The following KLK3 variants were observed in gnomAD, a reference collection of about 807,000 sequenced individuals.
KLK3 encodes kallikrein related peptidase 3, also known as prostate-specific antigen.
Under a neutral mutation model 27.7 loss-of-function variants are expected in KLK3, and 23 were observed. That is an observed-to-expected ratio of 0.83 (90% CI 0.60 to 1.17). The LOEUF (loss-of-function observed/expected upper bound fraction) is 1.17. Ranked by LOEUF, KLK3 falls within the 50% of genes most tolerant of loss-of-function variation. KLK3 has a pLI of 0.00. For synonymous variants in KLK3, 142 were observed against 134.2 expected (o/e 1.06, Z -0.40); for missense variants, 322 against 338.1 (o/e 0.95, Z 0.37).
In KLK3 at chr19:50,858,626, G is replaced by A. The variant is rs758543152; in HGVS notation, c.630+31G>A. The stretch of plus-strand genomic sequence containing the variant: ...TCATCCCTACTCCCAAGATCTTGAG[G>A]GGAAAGGTGAGTGGGGACCTTAATT... On this transcript the variant is annotated intron_variant, in intron 4 of 4. Transcript: ENST00000326003. 5.0e-6 allele frequency: 8 copies of A among 1,613,318 alleles called. No individual in the cohort carries two copies. The South Asian group carries it at 8.8e-5, about 18-fold the overall frequency.
At chr19:50,859,459 T>C in intron 4 of KLK3, 1 of 1,329,128 alleles carries the variant, frequency 7.5e-7, no homozygotes, top group Non-Finnish European at 1.1e-6. Context: ...ACCTGGGCCC[T>C]TACCCAGCCT....
In KLK3 at chr19:50,856,188, C is replaced by T. The variant is rs527240033; in HGVS notation, c.47-52C>T. ...CTAAATCCATCTCCTATCCGAGTCC[C>T]CCAGTTCCTCCTGTCAACCCTGATT... On this transcript the variant is annotated intron_variant, in intron 1 of 4. Coordinates refer to ENST00000326003, the MANE Select transcript of KLK3 (RefSeq NM_001648.2). 1.4e-4 allele frequency: 222 copies of T among 1,534,300 alleles called. 1 individual carries two copies. The South Asian group carries it at 1.9e-3, about 13-fold the overall frequency.
chr19:50,855,965 C>T (rs1365475288), intron 1 of KLK3: 5 of 365,010 alleles, frequency 1.4e-5, no homozygotes, highest in South Asian at 8.1e-5. Context: ...ATGGTCTGGG[C>T]GCTGTCTTGT....
chr19:50,855,445 C>T (rs2090141140), intron 1 of KLK3: 1 of 162,662 alleles, frequency 6.1e-6, no homozygotes, highest in Non-Finnish European at 1.3e-5. Context: ...AACCCTATCC[C>T]AGAGACCTTG....
chr19:50,859,202 G>C (rs970096649), intron 4 of KLK3, among the ~76,000 whole-genome samples: 3 of 152,116 alleles, frequency 2.0e-5, no homozygotes, highest in Non-Finnish European at 4.4e-5. Flanking sequence ...GATCGGGGCA[G>C]GGTGCGAGAG....
chr19:50,858,336 G>A, intron 3 of KLK3, 21 bp downstream of exon 3: 2 of 1,606,472 alleles, frequency 1.2e-6, no homozygotes, highest in South Asian at 2.2e-5. Context: ...GCCAGATGGT[G>A]CAGCCGGGAG....
chr19:50,860,077 G>A lies in KLK3; in HGVS notation c.736G>A (p.Val246Met), dbSNP rs538660698. ...CGAAAGGCCTTCCCTGTACACCAAG[G>A]TGGTGCATTACCGGAAGTGGATCAA... The part of the protein sequence containing the change: ...LPERPSLYTK[V>M]VHYRKWIKDT... The change falls in exon 5 of 5, where the codon GTG becomes ATG. Residue 246 changes from valine to methionine, a missense_variant. Transcript: ENST00000326003. 6.2e-7 allele frequency: 1 copy of A among 1,614,090 alleles called. No homozygotes were observed. The highest frequency in any genetic ancestry group is 1.1e-5 in the South Asian group (1 of 91,078).
At position 50,860,342 on chromosome 19, in the gene KLK3, G is replaced by C. The variant is rs1429803407; in HGVS notation, c.*215G>C. 2.1e-6 allele frequency: 1 copy of C among 465,414 alleles called. No homozygotes were observed. Among genetic ancestry groups the C allele is most frequent in the African/African-American group, 2.0e-5 (1 of 51,080 alleles). The allele number at this position is 465,414 out of a possible 1,614,324, so 28.8% of individuals were successfully genotyped here. ...TCCTGGGGAATACTGGCCATGCCTG[G>C]AGACATATCACTCAATTTCTCTGAG... On this transcript the variant is annotated 3_prime_UTR_variant, in exon 5 of 5. Transcript: ENST00000326003.
At chr19:50,859,949 T>G in intron 4 of KLK3, 23 bp from the exon 5 acceptor site, 1 of 1,597,754 alleles carries the variant, frequency 6.3e-7, no homozygotes. Flanking sequence ...CCTATCTCAC[T>G]CTCTCCCTGC....
At chr19:50,858,653 T>C (rs1347269352) in intron 4 of KLK3, 58 bp downstream of exon 4, 1 of 1,602,270 alleles carries the variant, frequency 6.2e-7, no homozygotes, top group Admixed American at 1.7e-5. Context: ...ACCTTAATTC[T>C]GGGCTGGGGT....
In KLK3 at chr19:50,858,309, G is replaced by A; in HGVS notation, c.487G>A (p.Glu163Lys). Residue 163 changes from glutamate to lysine, a missense_variant, in exon 3 of 5, where the codon GAG becomes AAG. Glu to Lys is a moderately conservative substitution (Grantham distance 56). Coordinates refer to ENST00000326003, the MANE Select transcript of KLK3 (RefSeq NM_001648.2). ...YASGWGSIEPEEFLTPKKLQC... is the reference protein window; with the variant it reads ...YASGWGSIEPKEFLTPKKLQC... ...CTCAGGCTGGGGCAGCATTGAACCA[G>A]AGGAGTGTACGCCTGGGCCAGATGG... 2 of 1,613,130 alleles carry A rather than the reference G, an allele frequency of 1.2e-6. No homozygotes were observed. The highest frequency in any genetic ancestry group is 1.7e-6 in the Non-Finnish European group (2 of 1,179,450).
At chr19:50,855,150 C>G (rs2123455604) in intron 1 of KLK3, 149 bp downstream of exon 1, 1 of 711,074 alleles carries the variant, frequency 1.4e-6, no homozygotes, top group East Asian at 2.7e-5. Context: ...AAGCCCATAC[C>G]CCCAGCCCCT....
At chr19:50,857,894 G>A in intron 2 of KLK3, 135 bp from the exon 3 acceptor site, 3 of 940,884 alleles carry the variant, frequency 3.2e-6, no homozygotes, top group Non-Finnish European at 4.6e-6. Flanking sequence ...TTTTTGGCCT[G>A]AACTGTGTCT....
intron 4 of KLK3, chr19:50,858,853 G>A: frequency 6.8e-6 from 4 of 587,070 alleles, no homozygotes; most frequent in Non-Finnish European, 9.1e-6. Context: ...ACCCAGCACT[G>A]CCCTAGAGCC....
In KLK3 at chr19:50,858,206, G is replaced by A. The variant is rs1333063173; in HGVS notation, c.384G>A (p.Glu128=). The change falls in exon 3 of 5, where the codon GAG becomes GAA. Residue 128 remains glutamate, a synonymous_variant. Transcript: ENST00000326003. ...SHDLMLLRLS[E]PAELTDAVKV... ...ACCTCATGCTGCTCCGCCTGTCAGA[G>A]CCTGCCGAGCTCACGGATGCTGTGA... The A allele has an allele frequency of 1.2e-5, 20 of 1,614,222 alleles. No homozygotes were observed. The highest frequency in any genetic ancestry group is 6.7e-5 in the African/African-American group (5 of 75,058).
chr19:50,855,215 C>A (rs266880), intron 1 of KLK3: 8 of 569,284 alleles, frequency 1.4e-5, no homozygotes, highest in African/African-American at 7.6e-5. Context: ...TCCCACTTAC[C>A]CCAGAACTTT....
rs1018977000 is a variant in KLK3 at position 50,860,002 on chromosome 19, G to A, written c.661G>A (p.Gly221Ser). The change falls in exon 5 of 5, where the codon GGT (glycine) becomes AGT (serine). Residue 221 changes from glycine to serine, a missense_variant. By Grantham distance (56) the Gly-to-Ser change is moderately conservative. Coordinates refer to ENST00000326003, the MANE Select transcript of KLK3 (RefSeq NM_001648.2). ...TTCTGGGGGCCCACTTGTCTGTAAT[G>A]GTGTGCTTCAAGGTATCACGTCATG... Reference protein sequence around the residue: ...GDSGGPLVCNGVLQGITSWGS... With the variant: ...GDSGGPLVCNSVLQGITSWGS... 6.2e-7 allele frequency: 1 copy of A among 1,613,992 alleles called. No individual in the cohort carries two copies. The highest frequency in any genetic ancestry group is 1.1e-5 in the South Asian group (1 of 91,066).
chr19:50,857,847 C>T (rs527676100), intron 2 of KLK3, 182 bp from the exon 3 acceptor site: 7 of 607,604 alleles, frequency 1.2e-5, no homozygotes, highest in African/African-American at 1.1e-4. Flanking sequence ...CTGCCCTTCA[C>T]CCTCTCACAC....
chr19:50,855,076 C>A (rs777642061), intron 1 of KLK3, 75 bp downstream of exon 1: 240 of 1,507,708 alleles, frequency 1.6e-4, no homozygotes, highest in South Asian at 3.1e-4. Flanking sequence ...TCTTTCCCCC[C>A]CAACCCAGCA....
Sources: gnomAD v4.1 joint callset for allele counts (sites outside exome capture counted in the v4.1 genomes callset) on GRCh38, gnomAD v4.1.1 for gene constraint, MANE v1.5 for transcripts, NCBI Gene and HGNC (gene_info 2026-07-23, HGNC 2026-07-21) for gene names.